The following EVI5 variants were observed in gnomAD, a reference collection of about 807,000 sequenced individuals.
EVI5 encodes ecotropic viral integration site 5 protein homolog.
EVI5 carries 73 observed loss-of-function variants against 112.0 expected under a neutral mutation model. The ratio of observed to expected loss-of-function variants is 0.65; its 90% CI spans 0.54 to 0.79. The LOEUF (loss-of-function observed/expected upper bound fraction) is 0.79. Ranked by LOEUF, EVI5 falls within the 30% of genes least tolerant of loss-of-function variation. The pLI is 0.00. For synonymous variants in EVI5, 305 were observed against 319.9 expected, an observed-to-expected ratio of 0.95 and a Z score of 0.50; for missense variants, 900 against 968.8, an observed-to-expected ratio of 0.93 and a Z score of 0.94.
At chr1:92,635,636 C>T (rs1234856449) in intron 14 of EVI5, among the ~76,000 whole-genome samples, 3 of 152,106 alleles carry the variant, frequency 2.0e-5, no homozygotes, top group Non-Finnish European at 4.4e-5. Flanking sequence ...GCGGCTCAGG[C>T]TCGGTGCACT....
In EVI5 at chr1:92,743,581, A is replaced by G. The variant is rs1239606251; in HGVS notation, c.-81-6954T>C. ...GTTTCTTTGGAAAGATGAAAAAATTATAGAGATGATGGTGATGGTGGTTGT... is the reference window on the plus strand; with the variant it reads ...GTTTCTTTGGAAAGATGAAAAAATTGTAGAGATGATGGTGATGGTGGTTGT... On this transcript the variant is annotated intron_variant, in intron 1 of 19. Transcript: ENST00000684568. Among the ~76,000 whole-genome samples the G allele has an allele frequency of 4.8e-4, 73 of 152,174 alleles. 1 individual carries two copies. The highest frequency in any genetic ancestry group is 1.5e-5 in the Non-Finnish European group (1 of 68,028).
rs758818284 is a variant in EVI5, at chr1:92,702,218, A to G, written c.565-3T>C. On this transcript the variant is annotated splice_region_variant and splice_polypyrimidine_tract_variant and intron_variant, in intron 4 of 19. Coordinates refer to ENST00000684568, the MANE Select transcript of EVI5 (RefSeq NM_001350197.2). Reference sequence around the variant, plus strand: ...TCACGATCTACTAAAGAGTAAGCCTAAAAAGTAAAAAAAAGTTGTTCAAAA... The same window carrying G: ...TCACGATCTACTAAAGAGTAAGCCTGAAAAGTAAAAAAAAGTTGTTCAAAA... 6 of 1,478,956 alleles carry G rather than the reference A, an allele frequency of 4.1e-6. No individual in the cohort carries two copies. The highest frequency in any genetic ancestry group is 1.5e-5 in the African/African-American group (1 of 67,782). 91.6% of individuals were successfully genotyped at this position (1,478,956 alleles called of 1,614,324 possible).
At chr1:92,674,245 C>T (rs1666349778) in intron 10 of EVI5, among the ~76,000 whole-genome samples, 1 of 152,126 alleles carries the variant, frequency 6.6e-6, no homozygotes, top group Admixed American at 6.5e-5. Context: ...AATGAGTTGT[C>T]AGGGTCTAAG....
intron 8 of EVI5, 60 bp from the exon 9 acceptor site, chr1:92,693,959 A>T: frequency 9.7e-7 from 1 of 1,035,200 alleles, no homozygotes. Flanking sequence ...AGTGAAATCC[A>T]AAGACATTCA....
rs571164637 is a variant in EVI5, at chr1:92,522,399, A to C, written c.2167-8429T>G. Among the ~76,000 whole-genome samples, 20 of 152,198 alleles carry C rather than the reference A, an allele frequency of 1.3e-4. 1 individual carries two copies. Among genetic ancestry groups the C allele is most frequent in the Middle Eastern group, 3.4e-3 (1 of 294 alleles). ...GTGCCTGTAATCTCAGCACTTTGGG[A>C]GGCCAAGGCAGAAGGATCACAAGGT... On this transcript the variant is annotated intron_variant, in intron 19 of 19. Coordinates refer to ENST00000684568, the MANE Select transcript of EVI5 (RefSeq NM_001350197.2).
At chr1:92,681,460 C>A (rs186972877) in intron 9 of EVI5, among the ~76,000 whole-genome samples, 1 of 152,018 alleles carries the variant, frequency 6.6e-6, no homozygotes, top group Non-Finnish European at 1.5e-5. Flanking sequence ...AGTATACCAA[C>A]GTAAAAATTC....
At chr1:92,678,989 G>C (rs1016812028) in intron 9 of EVI5, among the ~76,000 whole-genome samples, 1 of 152,100 alleles carries the variant, frequency 6.6e-6, no homozygotes, top group African/African-American at 2.4e-5. Flanking sequence ...CCAACCCCTG[G>C]GCAGTGGACC....
chr1:92,560,516 CA>C, intron 19 of EVI5, among the ~76,000 whole-genome samples: 1 of 152,196 alleles, frequency 6.6e-6, no homozygotes, highest in East Asian at 1.9e-4. Flanking sequence ...TTGACTTGGA[CA>C]CGTCTCTGTA....
intron 14 of EVI5, among the ~76,000 whole-genome samples, 164 bp from the exon 15 acceptor site, chr1:92,626,098 G>A (rs1282795948): frequency 6.6e-6 from 1 of 152,066 alleles, no homozygotes; most frequent in Non-Finnish European, 1.5e-5. Context: ...ATACACAAGA[G>A]CCAGTGGTTT....
At chr1:92,696,075 T>G (rs1030545414) in intron 6 of EVI5, among the ~76,000 whole-genome samples, 4 of 151,912 alleles carry the variant, frequency 2.6e-5, no homozygotes, top group African/African-American at 9.7e-5. Context: ...GTACTACAGG[T>G]GCACACCACC....
chr1:92,581,263 C>T (rs566770880), intron 18 of EVI5, among the ~76,000 whole-genome samples: 2 of 152,202 alleles, frequency 1.3e-5, no homozygotes, highest in African/African-American at 4.8e-5. Flanking sequence ...GCTCTTCTTA[C>T]TCTTCTGAGA....
intron 16 of EVI5, among the ~76,000 whole-genome samples, chr1:92,609,262 T>C (rs186712767): frequency 6.6e-6 from 1 of 152,234 alleles, no homozygotes. Flanking sequence ...TCAGTAGAGA[T>C]AGTACTACTT....
intron 19 of EVI5, among the ~76,000 whole-genome samples, chr1:92,546,495 A>C (rs770023765): frequency 3.9e-5 from 6 of 152,076 alleles, no homozygotes; most frequent in Non-Finnish European, 8.8e-5. Context: ...TCAGGAGTTC[A>C]AGACCAGCCT....
chr1:92,590,855 G>C (rs1049814939), intron 18 of EVI5, among the ~76,000 whole-genome samples: 4 of 152,214 alleles, frequency 2.6e-5, no homozygotes, highest in African/African-American at 4.8e-5. Context: ...GTTAAGGGCA[G>C]CCAGAGAGAA....
intron 16 of EVI5, among the ~76,000 whole-genome samples, chr1:92,622,063 T>C (rs1487333289): frequency 6.6e-6 from 1 of 151,728 alleles, no homozygotes; most frequent in Non-Finnish European, 1.5e-5. Context: ...GAGGTTGCAC[T>C]GAGCTGAGAT....
intron 18 of EVI5, among the ~76,000 whole-genome samples, chr1:92,568,735 GAAGAT>G (rs1442159599): frequency 1.3e-5 from 2 of 152,132 alleles, no homozygotes; most frequent in African/African-American, 2.4e-5. Context: ...TAATCAATGT[GAAGAT>G]AAGAATGAAG....
chr1:92,736,278 T>G, intron 2 of EVI5, 120 bp downstream of exon 2: 1 of 654,202 alleles, frequency 1.5e-6, no homozygotes, highest in East Asian at 2.7e-5. Flanking sequence ...GATGAACACT[T>G]CTGTAAATAA....
At chr1:92,662,376 A>C (rs1572168804) in intron 13 of EVI5, among the ~76,000 whole-genome samples, 1 of 152,366 alleles carries the variant, frequency 6.6e-6, no homozygotes, top group East Asian at 1.9e-4. Context: ...TTTAAAAATT[A>C]CTGTTAGCAA....
At chr1:92,535,817 G>A (rs1177365919) in intron 19 of EVI5, among the ~76,000 whole-genome samples, 1 of 152,014 alleles carries the variant, frequency 6.6e-6, no homozygotes, top group Non-Finnish European at 1.5e-5. Flanking sequence ...TAGATGACGG[G>A]TTGATGGGTG....
Sources: gnomAD v4.1 joint callset for allele counts (sites outside exome capture counted in the v4.1 genomes callset) on GRCh38, gnomAD v4.1.1 for gene constraint, MANE v1.5 for transcripts, NCBI Gene and HGNC (gene_info 2026-07-23, HGNC 2026-07-21) for gene names.